Variants in ELMO1 observed in about 807,000 individuals in gnomAD.
ELMO1 encodes the protein engulfment and cell motility protein 1.
A neutral mutation model predicts 98.9 loss-of-function variants in ELMO1; 26 were observed. The observed-to-expected ratio is 0.26, with a 90% CI of 0.19 to 0.36. The LOEUF (loss-of-function observed/expected upper bound fraction) is 0.36, where lower values mean the gene tolerates loss of function less well. ELMO1 is among the 10% of genes least tolerant of loss of function. The pLI is 1.00. For missense variants in ELMO1, 627 were observed against 935.2 expected (o/e 0.67, Z 4.30); for synonymous variants, 346 against 346.0 (o/e 1.00, Z 0.00).
chr7:37,150,214 C>T (rs528509272), intron 13 of ELMO1, among the ~76,000 whole-genome samples: 1 of 152,044 alleles, frequency 6.6e-6, no homozygotes, highest in African/African-American at 2.4e-5. Context: ...CTTCAATATA[C>T]TTCTTATAAA....
chr7:37,190,446 A>T (rs1448453168), intron 13 of ELMO1, among the ~76,000 whole-genome samples: 1 of 152,228 alleles, frequency 6.6e-6, no homozygotes, highest in African/African-American at 2.4e-5. Flanking sequence ...GCATATACTA[A>T]GATGACATCA....
chr7:37,208,203 C>T (rs575434894), intron 13 of ELMO1, among the ~76,000 whole-genome samples: 7 of 152,236 alleles, frequency 4.6e-5, no homozygotes, highest in East Asian at 1.9e-4. Context: ...CTGTGCTAGT[C>T]GCTGGTAGAC....
In ELMO1 at chr7:36,853,982, C is replaced by CT. The variant is rs1279483402; in HGVS notation, c.*1568dup. On this transcript the variant is annotated 3_prime_UTR_variant, in exon 22 of 22. Transcript: ENST00000310758. ...TTCTTTTCATTGCTAAATGTGCTCC[C>CT]TCAAAGTTGTGATGTCTTTAATTAG... Among the ~76,000 whole-genome samples, 2 of 152,126 alleles carry CT rather than the reference C, an allele frequency of 1.3e-5. No individual in the cohort carries two copies. The highest frequency in any genetic ancestry group is 4.8e-5 in the African/African-American group (2 of 41,406).
At chr7:37,382,919 C>A (rs946043984) in intron 1 of ELMO1, among the ~76,000 whole-genome samples, 1 of 152,148 alleles carries the variant, frequency 6.6e-6, no homozygotes, top group Non-Finnish European at 1.5e-5. Context: ...GCCCCAGGCC[C>A]AGAACCTAGG....
intron 13 of ELMO1, among the ~76,000 whole-genome samples, chr7:37,158,243 T>C (rs1296880283): frequency 2.6e-5 from 4 of 152,188 alleles, no homozygotes; most frequent in African/African-American, 7.2e-5. Context: ...GACATAGGCA[T>C]TGGCAAAGAC....
intron 17 of ELMO1, among the ~76,000 whole-genome samples, chr7:36,894,450 A>T (rs1355861592): frequency 1.3e-5 from 2 of 152,178 alleles, no homozygotes; most frequent in African/African-American, 2.4e-5. Flanking sequence ...TTTCATTTTC[A>T]TAGTGCTTTA....
chr7:37,171,477 CTTTCTATTTTTTTTT>C (rs1790149172), intron 13 of ELMO1, among the ~76,000 whole-genome samples: 2 of 92,540 alleles, frequency 2.2e-5, no homozygotes, highest in Non-Finnish European at 4.3e-5. Flanking sequence ...GTAACCAGGC[CTTTCTATTTTTTTTT>C]TTTTTTTTTT....
At chr7:37,092,915 CTTTTTTT>C (rs79327023) in intron 15 of ELMO1, among the ~76,000 whole-genome samples, 6 of 137,054 alleles carry the variant, frequency 4.4e-5, no homozygotes, top group Admixed American at 2.2e-4. Flanking sequence ...CTTTCTTTTT[CTTTTTTT>C]TTTTTTTTGG....
chr7:37,002,008 T>A (rs998448757), intron 16 of ELMO1: 2 of 152,238 alleles, frequency 1.3e-5, no homozygotes, highest in Non-Finnish European at 2.9e-5. Context: ...TAGTCAGCTA[T>A]TGTCATGTTA....
At chr7:37,333,646 G>C (rs1348646512) in intron 2 of ELMO1, among the ~76,000 whole-genome samples, 2 of 152,160 alleles carry the variant, frequency 1.3e-5, no homozygotes, top group Non-Finnish European at 2.9e-5. Flanking sequence ...CACAAGAAAA[G>C]AGAGCTAAAA....
intron 13 of ELMO1, among the ~76,000 whole-genome samples, chr7:37,167,628 G>A (rs1448332230): frequency 6.6e-6 from 1 of 151,750 alleles, no homozygotes; most frequent in Non-Finnish European, 1.5e-5. Flanking sequence ...GAAATTCTGG[G>A]TTGAAAATTC....
chr7:37,204,329 C>T (rs745536864), intron 13 of ELMO1: 5 of 427,052 alleles, frequency 1.2e-5, no homozygotes, highest in Admixed American at 5.0e-5. Flanking sequence ...CTGGTGGGTT[C>T]GTGGTCTCGC....
chr7:36,886,000 T>C (rs1294995033), intron 18 of ELMO1, among the ~76,000 whole-genome samples: 1 of 152,176 alleles, frequency 6.6e-6, no homozygotes, highest in East Asian at 1.9e-4. Flanking sequence ...TGGACAGGTG[T>C]AGAGGCAAGA....
At chr7:37,436,151 T>C (rs1325279700) in intron 1 of ELMO1, among the ~76,000 whole-genome samples, 1 of 152,236 alleles carries the variant, frequency 6.6e-6, no homozygotes, top group Non-Finnish European at 1.5e-5. Context: ...GGTAAGAACA[T>C]AACTCTCCAG....
chr7:37,194,459 T>C (rs1791843031), intron 13 of ELMO1, among the ~76,000 whole-genome samples: 1 of 152,236 alleles, frequency 6.6e-6, no homozygotes, highest in Non-Finnish European at 1.5e-5. Context: ...TCCCCTTCTA[T>C]TTCTAGTTTC....
intron 16 of ELMO1, among the ~76,000 whole-genome samples, chr7:36,947,080 G>A (rs1432621113): frequency 3.9e-5 from 6 of 152,156 alleles, no homozygotes; most frequent in African/African-American, 1.4e-4. Flanking sequence ...CCCAAATAGT[G>A]AGCACAGTAC....
At chr7:36,886,112 C>T (rs772084664) in intron 18 of ELMO1, among the ~76,000 whole-genome samples, 1 of 152,152 alleles carries the variant, frequency 6.6e-6, no homozygotes, top group South Asian at 2.1e-4. Flanking sequence ...ATGCAAGGAA[C>T]GCGATGAGAG....
intron 13 of ELMO1, among the ~76,000 whole-genome samples, chr7:37,206,521 A>G (rs533239839): frequency 1.5e-4 from 23 of 152,356 alleles, no homozygotes; most frequent in Admixed American, 1.2e-3. Context: ...AGTTCATTTC[A>G]TTCCCTGCCA....
intron 8 of ELMO1, among the ~76,000 whole-genome samples, chr7:37,227,085 C>A (rs1373549624): frequency 6.6e-6 from 1 of 152,196 alleles, no homozygotes; most frequent in African/African-American, 2.4e-5. Context: ...TCCCAATTAT[C>A]ACTCTTTTCT....
Sources: gnomAD v4.1 joint callset for allele counts (sites outside exome capture counted in the v4.1 genomes callset) on GRCh38, gnomAD v4.1.1 for gene constraint, MANE v1.5 for transcripts, NCBI Gene and HGNC (gene_info 2026-07-23, HGNC 2026-07-21) for gene names.